MTHFD1L: variants seen among roughly 807,000 people sequenced by gnomAD.
The protein encoded by MTHFD1L is methylenetetrahydrofolate dehydrogenase (NADP+ dependent) 1 like.
In MTHFD1L, 81 loss-of-function variants were observed where a neutral mutation model predicts 119.5. That is an observed-to-expected ratio of 0.68 (90% CI 0.57 to 0.82). The LOEUF is 0.82. Ranked by LOEUF, MTHFD1L falls within the 40% of genes least tolerant of loss-of-function variation. The pLI is 0.00. For synonymous variants in MTHFD1L, 430 were observed against 475.2 expected, an observed-to-expected ratio of 0.90 and a Z score of 1.24; for missense variants, 1,125 against 1,253.4, an observed-to-expected ratio of 0.90 and a Z score of 1.55.
chr6:151,078,186 C>T (rs867132520), intron 26 of MTHFD1L, among the ~76,000 whole-genome samples: 6 of 151,478 alleles, frequency 4.0e-5, no homozygotes, highest in African/African-American at 4.9e-5. Context: ...CAAGAAGCCA[C>T]TAGAGGAGTA....
At position 150,926,946 on chromosome 6, in the gene MTHFD1L, A is replaced by C. The variant is rs947281507; in HGVS notation, c.1256+651A>C. Among the ~76,000 whole-genome samples the C allele has an allele frequency of 2.0e-5, 3 of 152,154 alleles. No homozygotes were observed. Among genetic ancestry groups the C allele is most frequent in the Non-Finnish European group, 4.4e-5 (3 of 68,034 alleles). ...AGCAAGGGATTTCAAATATTTATTC[A>C]GTGTGACCTGAGGGAACATCATGAG... On this transcript the variant is annotated intron_variant, in intron 11 of 27. Transcript: ENST00000367321. The surrounding 1 kb of genome is among the most constrained non-coding windows in gnomAD (Gnocchi z 4.3).
intron 21 of MTHFD1L, among the ~76,000 whole-genome samples, chr6:151,011,085 G>A (rs893127704): frequency 1.3e-5 from 2 of 152,192 alleles, no homozygotes; most frequent in Non-Finnish European, 2.9e-5. Context: ...TGTCCACCAT[G>A]CAGAGCTGGA....
intron 13 of MTHFD1L, among the ~76,000 whole-genome samples, chr6:150,942,208 G>A (rs192210820): frequency 3.9e-5 from 6 of 152,302 alleles, no homozygotes; most frequent in Non-Finnish European, 7.3e-5. Context: ...GCAGTGAGCC[G>A]AGATCATGCC....
chr6:150,994,579 C>G (rs1779569967), intron 20 of MTHFD1L, among the ~76,000 whole-genome samples: 1 of 152,122 alleles, frequency 6.6e-6, no homozygotes, highest in African/African-American at 2.4e-5. Flanking sequence ...CCTATGACTT[C>G]TCTACACAGA....
At chr6:150,941,850 A>G (rs1460729548) in intron 13 of MTHFD1L, among the ~76,000 whole-genome samples, 1 of 152,210 alleles carries the variant, frequency 6.6e-6, no homozygotes, top group Non-Finnish European at 1.5e-5. Context: ...CTGGAAAGAA[A>G]AACTTACATT....
chr6:151,076,878 A>G (rs1188399100), intron 26 of MTHFD1L, among the ~76,000 whole-genome samples: 1 of 152,212 alleles, frequency 6.6e-6, no homozygotes, highest in Non-Finnish European at 1.5e-5. Flanking sequence ...AGATCCGTGC[A>G]TGAATGTTCG....
Position 150,885,644 on chromosome 6 carries a change from A to G in MTHFD1L, c.553A>G (p.Ile185Val), listed in dbSNP as rs763116264. The G allele has an allele frequency of 2.5e-6, 4 of 1,613,972 alleles. No individual in the cohort carries two copies. The highest frequency in any genetic ancestry group is 1.1e-5 in the South Asian group (1 of 91,042). The change falls in exon 6 of 28, where the codon ATA becomes GTA. Residue 185 changes from isoleucine (I) to valine (V), a missense_variant. Physicochemically the swap from Ile to Val is conservative, Grantham distance 29. Around this residue, in one of 3 missense-constraint regions of MTHFD1L, gnomAD observed 1,058 missense variants for 1,151.2 expected, o/e 0.92. Transcript: ENST00000367321. ...TATTTTCTGATTCAGAGTAACAGAC[A>G]TAAACCTGGGGAAGCTGGTGCGAGG... is the stretch of plus-strand genomic sequence containing the variant. ...PEKDVDGVTD[I>V]NLGKLVRGDA...
intron 26 of MTHFD1L, among the ~76,000 whole-genome samples, chr6:151,046,469 G>GTATATATA (rs1437936861): frequency 3.4e-5 from 4 of 116,864 alleles, no homozygotes; most frequent in African/African-American, 1.4e-4. Context: ...ATATGTGTGT[G>GTATATATA]TGTATATATA....
intron 26 of MTHFD1L, among the ~76,000 whole-genome samples, chr6:151,072,151 C>T (rs1256444706): frequency 6.7e-6 from 1 of 148,520 alleles, no homozygotes; most frequent in African/African-American, 2.4e-5. Context: ...TTTATGGCCC[C>T]TTTTAAAGAC....
At chr6:151,089,502 C>G (rs1279836646) in intron 26 of MTHFD1L, among the ~76,000 whole-genome samples, 1 of 152,188 alleles carries the variant, frequency 6.6e-6, no homozygotes, top group African/African-American at 2.4e-5. Flanking sequence ...ACTCGGGAGG[C>G]CGAAGCAGGA....
At chr6:150,867,645 G>A (rs1188807912) in intron 1 of MTHFD1L, among the ~76,000 whole-genome samples, 2 of 152,074 alleles carry the variant, frequency 1.3e-5, no homozygotes, top group Non-Finnish European at 2.9e-5. Context: ...CACCCACCTG[G>A]AATATGAGCT....
At chr6:151,056,343 G>GTGC (rs1320823616) in intron 26 of MTHFD1L, among the ~76,000 whole-genome samples, 1 of 152,160 alleles carries the variant, frequency 6.6e-6, no homozygotes, top group Non-Finnish European at 1.5e-5. Flanking sequence ...AGTGACTGAC[G>GTGC]TGCTGGGCAT....
At chr6:150,945,432 T>A (rs1225420942) in intron 14 of MTHFD1L, 35 bp from the exon 15 acceptor site, 1 of 1,572,734 alleles carries the variant, frequency 6.4e-7, no homozygotes, top group Admixed American at 1.7e-5. Flanking sequence ...GACAACTAAC[T>A]TTTGTGTGGT....
At chr6:151,053,240 C>T (rs1364760450) in intron 26 of MTHFD1L, among the ~76,000 whole-genome samples, 1 of 152,158 alleles carries the variant, frequency 6.6e-6, no homozygotes, top group Non-Finnish European at 1.5e-5. Context: ...GACCAGTAGC[C>T]TGGTTTCCAT....
chr6:151,012,891 G>A (rs1481834177), intron 21 of MTHFD1L, among the ~76,000 whole-genome samples: 5 of 152,128 alleles, frequency 3.3e-5, no homozygotes, highest in Non-Finnish European at 7.3e-5. Flanking sequence ...CTCAGGGGAG[G>A]CCAGTCTTTT....
chr6:150,871,360 A>C, intron 1 of MTHFD1L, among the ~76,000 whole-genome samples: 1 of 150,126 alleles, frequency 6.7e-6, no homozygotes. Context: ...CTTTCCTGGA[A>C]GATTTCTCTG....
intron 15 of MTHFD1L, among the ~76,000 whole-genome samples, chr6:150,946,674 C>T (rs923631544): frequency 5.3e-5 from 8 of 152,150 alleles, no homozygotes; most frequent in South Asian, 2.1e-4. Context: ...TCACCTCCTG[C>T]CTCTTACTGA....
chr6:150,938,862 GC>G, intron 13 of MTHFD1L, 117 bp downstream of exon 13: 1 of 1,213,072 alleles, frequency 8.2e-7, no homozygotes, highest in Non-Finnish European at 1.2e-6. Context: ...AGTCATTAAG[GC>G]TCTGAAACCC....
intron 27 of MTHFD1L, among the ~76,000 whole-genome samples, chr6:151,093,684 G>A (rs546688192): frequency 2.3e-4 from 35 of 152,130 alleles, no homozygotes; most frequent in East Asian, 5.8e-4. Flanking sequence ...TCTCACAGGT[G>A]CTCAGGGTTA....
Sources: allele counts gnomAD v4.1 joint callset (sites outside exome capture counted in the v4.1 genomes callset), GRCh38; gene constraint gnomAD v4.1.1; regional missense constraint gnomAD v4.1.1; non-coding constraint Gnocchi (gnomAD v3.1); transcripts MANE v1.5; gene names NCBI Gene and HGNC (gene_info 2026-07-23, HGNC 2026-07-21).